The following TMEM131 variants were observed in gnomAD, a reference collection of about 807,000 sequenced individuals.
TMEM131 encodes the protein 2610524E03Rik.
TMEM131 carries 66 observed loss-of-function variants against 211.6 expected under a neutral mutation model. The observed-to-expected ratio is 0.31, with a 90% CI of 0.26 to 0.38. The LOEUF (loss-of-function observed/expected upper bound fraction) is 0.38, where lower values mean the gene tolerates loss of function less well. TMEM131 is among the 10% of genes least tolerant of loss of function. The pLI is 1.00. For missense variants in TMEM131, 2,036 were observed against 2,299.3 expected, an observed-to-expected ratio of 0.89 and a Z score of 2.34; for synonymous variants, 844 against 841.3, an observed-to-expected ratio of 1.00 and a Z score of -0.06.
intron 15 of TMEM131, among the ~76,000 whole-genome samples, chr2:97,813,168 G>GA (rs1042746787): frequency 2.6e-5 from 4 of 152,150 alleles, no homozygotes; most frequent in Non-Finnish European, 5.9e-5. Context: ...GCACATGAAA[G>GA]AGGCAGGAAG....
chr2:97,877,481 C>G (rs1674746403), intron 4 of TMEM131, among the ~76,000 whole-genome samples: 1 of 152,146 alleles, frequency 6.6e-6, no homozygotes, highest in Non-Finnish European at 1.5e-5. Context: ...GTAACGAAAA[C>G]AGTATGGTAC....
chr2:97,817,130 A>C, intron 12 of TMEM131, among the ~76,000 whole-genome samples: 1 of 152,200 alleles, frequency 6.6e-6, no homozygotes, highest in East Asian at 1.9e-4. Context: ...TCTCAGAAGA[A>C]CCAACACTAA....
At chr2:97,927,598 T>C (rs1677045910) in intron 1 of TMEM131, 111 bp from the exon 2 acceptor site, 2 of 763,328 alleles carry the variant, frequency 2.6e-6, no homozygotes, top group Non-Finnish European at 3.8e-6. Flanking sequence ...AATGGACTGC[T>C]TAATGGTGAT....
chr2:97,879,079 C>A (rs540725952), intron 4 of TMEM131, among the ~76,000 whole-genome samples: 22 of 152,266 alleles, frequency 1.4e-4, no homozygotes, highest in African/African-American at 4.8e-4. Flanking sequence ...AGGATTAACA[C>A]CACCCTGGAA....
chr2:97,761,155 G>T, intron 36 of TMEM131: 1 of 447,574 alleles, frequency 2.2e-6, no homozygotes, highest in Non-Finnish European at 4.0e-6. Context: ...CCAGGGCAGG[G>T]ATCACAATTT....
intron 1 of TMEM131, among the ~76,000 whole-genome samples, chr2:97,985,469 C>G (rs1311392831): frequency 2.0e-5 from 3 of 151,502 alleles, no homozygotes; most frequent in Non-Finnish European, 2.9e-5. Context: ...TAATTGTAAC[C>G]AAAAAGCAAA....
intron 5 of TMEM131, among the ~76,000 whole-genome samples, chr2:97,857,770 G>A (rs1206669767): frequency 6.6e-6 from 1 of 152,154 alleles, no homozygotes; most frequent in Non-Finnish European, 1.5e-5. Context: ...CTTGGCACCT[G>A]TCACTCACTG....
At chr2:97,991,942 G>A (rs1294722195) in intron 1 of TMEM131, among the ~76,000 whole-genome samples, 1 of 152,128 alleles carries the variant, frequency 6.6e-6, no homozygotes, top group African/African-American at 2.4e-5. Flanking sequence ...AGAAGGAGGA[G>A]GAAAATGGTC....
chr2:97,972,357 G>A (rs1679334932), intron 1 of TMEM131, among the ~76,000 whole-genome samples: 2 of 151,274 alleles, frequency 1.3e-5, no homozygotes, highest in Non-Finnish European at 2.9e-5. Context: ...CCCAGAAACT[G>A]CACTACTCCC....
intron 4 of TMEM131, among the ~76,000 whole-genome samples, chr2:97,880,067 C>T (rs1674860485): frequency 6.6e-6 from 1 of 152,114 alleles, no homozygotes; most frequent in Non-Finnish European, 1.5e-5. Context: ...TGGCAATAAT[C>T]CCTGAGTTTA....
chr2:97,815,906 A>G (rs1681805759), intron 12 of TMEM131, among the ~76,000 whole-genome samples: 1 of 152,210 alleles, frequency 6.6e-6, no homozygotes, highest in Non-Finnish European at 1.5e-5. Flanking sequence ...ATGGTATAAG[A>G]AAAGTCAAGA....
chr2:97,758,935 A>G lies in TMEM131; in HGVS notation c.5325T>C (p.Pro1775=), dbSNP rs1193890406. The change falls in exon 40 of 41, where the codon CCT becomes CCC. Residue 1775 remains proline (P), a synonymous_variant. Coordinates refer to ENST00000186436, the MANE Select transcript of TMEM131 (RefSeq NM_015348.2). ...GGGAGCCGGAACTGGCTGGCCAGGAAGGACTGGGATCTGTCGCTGGCGACT... is the reference window on the plus strand; with the variant it reads ...GGGAGCCGGAACTGGCTGGCCAGGAGGGACTGGGATCTGTCGCTGGCGACT... ...LWESPATDPS[P]SWPASSGSPT... 6.2e-7 allele frequency: 1 copy of G among 1,613,948 alleles called. No individual in the cohort carries two copies. Among genetic ancestry groups the G allele is most frequent in the Admixed American group, 1.7e-5 (1 of 60,026 alleles).
At chr2:97,896,967 G>A (rs577185101) in intron 3 of TMEM131, among the ~76,000 whole-genome samples, 9 of 151,208 alleles carry the variant, frequency 6.0e-5, no homozygotes, top group African/African-American at 1.5e-4. Context: ...ATCCATGAAC[G>A]CGGAATCTTT....
intron 3 of TMEM131, chr2:97,907,069 A>G (rs1676101754): frequency 6.6e-6 from 1 of 152,242 alleles, no homozygotes; most frequent in African/African-American, 2.4e-5. Flanking sequence ...TTGCTGGAAT[A>G]AAGAATCAAG....
At chr2:97,990,751 G>A (rs906512669) in intron 1 of TMEM131, among the ~76,000 whole-genome samples, 38 of 152,118 alleles carry the variant, frequency 2.5e-4, no homozygotes. Flanking sequence ...AATTTTACCT[G>A]TACTTCTGAC....
At chr2:97,780,498 A>G (rs896542795) in intron 31 of TMEM131, among the ~76,000 whole-genome samples, 7 of 152,044 alleles carry the variant, frequency 4.6e-5, no homozygotes, top group Non-Finnish European at 1.0e-4. Flanking sequence ...CCTTTGAAAC[A>G]TTTTTAAAGC....
In TMEM131 at chr2:97,927,261, G is replaced by GT. The variant is rs554885709; in HGVS notation, c.249+164dup. ...ATATTTAATCTAAAAGAAAACTCAC[G>GT]TAACTACAGAGGTTTTTATATTACT... On this transcript the variant is annotated intron_variant, in intron 2 of 40. Transcript: ENST00000186436. 1.4e-4 allele frequency: 61 copies of GT among 438,604 alleles called. No individual in the cohort carries two copies. The Admixed American group carries it at 1.8e-3, about 13-fold the overall frequency. 27.2% of individuals were successfully genotyped at this position (438,604 alleles called of 1,614,324 possible).
At chr2:97,924,965 G>A (rs1007255193) in intron 2 of TMEM131, among the ~76,000 whole-genome samples, 3 of 152,014 alleles carry the variant, frequency 2.0e-5, no homozygotes, top group Admixed American at 1.3e-4. Flanking sequence ...CTGAAGTCTC[G>A]ACCTCCCAGG....
At chr2:97,953,456 G>A (rs1275254386) in intron 1 of TMEM131, among the ~76,000 whole-genome samples, 1 of 152,090 alleles carries the variant, frequency 6.6e-6, no homozygotes, top group South Asian at 2.1e-4. Context: ...ATTACATAAC[G>A]ATACTTTAAA....
Sources: gnomAD v4.1 joint callset for allele counts (sites outside exome capture counted in the v4.1 genomes callset) on GRCh38, gnomAD v4.1.1 for gene constraint, MANE v1.5 for transcripts, NCBI Gene and HGNC (gene_info 2026-07-23, HGNC 2026-07-21) for gene names.